Variants in PDCD10 observed in about 807,000 individuals in gnomAD.
The protein encoded by PDCD10 is programmed cell death 10.
Under a neutral mutation model 29.2 loss-of-function variants are expected in PDCD10, and 4 were observed. That is an observed-to-expected ratio of 0.14 (90% CI 0.07 to 0.31). The LOEUF is 0.31. Ranked by LOEUF, PDCD10 falls within the 10% of genes least tolerant of loss-of-function variation. PDCD10 has a pLI of 1.00. For missense variants in PDCD10, 183 were observed against 257.9 expected (o/e 0.71, Z 1.99); for synonymous variants, 70 against 82.2 (o/e 0.85, Z 0.80).
At position 167,684,110 on chromosome 3, in the gene PDCD10, G is replaced by C; in HGVS notation, c.*198C>G. On this transcript the variant is annotated 3_prime_UTR_variant, in exon 9 of 9. Coordinates refer to ENST00000392750, the MANE Select transcript of PDCD10 (RefSeq NM_007217.4). ...AAAGAATGATAATAGCAAAAGTGATGCAAAATCTTCAGTGTGAGATTATGA... is the reference window on the plus strand; with the variant it reads ...AAAGAATGATAATAGCAAAAGTGATCCAAAATCTTCAGTGTGAGATTATGA... 2.0e-6 allele frequency: 1 copy of C among 490,474 alleles called. No individual in the cohort carries two copies. The highest frequency in any genetic ancestry group is 3.7e-6 in the Non-Finnish European group (1 of 270,022). The allele number at this position is 490,474 out of a possible 1,614,324, so 30.4% of individuals were successfully genotyped here.
At chr3:167,706,437 C>T (rs1219421679) in intron 3 of PDCD10, among the ~76,000 whole-genome samples, 3 of 152,200 alleles carry the variant, frequency 2.0e-5, no homozygotes, top group Admixed American at 6.5e-5. Flanking sequence ...CAGGGATAGC[C>T]TACCACACAC....
intron 2 of PDCD10, among the ~76,000 whole-genome samples, chr3:167,727,922 C>G (rs1018550299): frequency 6.6e-5 from 10 of 152,200 alleles, no homozygotes; most frequent in African/African-American, 2.2e-4. Flanking sequence ...TAGCCTCTGC[C>G]TTATTTAACA....
intron 4 of PDCD10, among the ~76,000 whole-genome samples, chr3:167,702,174 T>C (rs947410905): frequency 2.6e-5 from 4 of 152,220 alleles, no homozygotes; most frequent in African/African-American, 9.6e-5. Flanking sequence ...AACATATTTC[T>C]GTAAAGTTAC....
intron 7 of PDCD10, 142 bp downstream of exon 7, chr3:167,687,473 G>T: frequency 1.4e-6 from 1 of 730,958 alleles, no homozygotes; most frequent in Non-Finnish European, 2.4e-6. Flanking sequence ...AAATAAAAAG[G>T]CATATTTAAA....
chr3:167,721,101 C>T (rs999623887), intron 2 of PDCD10, among the ~76,000 whole-genome samples: 5 of 152,002 alleles, frequency 3.3e-5, no homozygotes, highest in Non-Finnish European at 7.4e-5. Flanking sequence ...AAAAAATGAT[C>T]CTAATCATGA....
chr3:167,702,186 C>T (rs1466667843), intron 4 of PDCD10, among the ~76,000 whole-genome samples: 1 of 152,118 alleles, frequency 6.6e-6, no homozygotes, highest in Non-Finnish European at 1.5e-5. Flanking sequence ...TAAAGTTACA[C>T]TAAGTGTGCC....
At chr3:167,730,291 A>T (rs777649013) in intron 2 of PDCD10, among the ~76,000 whole-genome samples, 3 of 152,164 alleles carry the variant, frequency 2.0e-5, no homozygotes, top group Admixed American at 6.5e-5. Context: ...TAACATAGAT[A>T]ACAATGACAT....
At chr3:167,729,350 A>T (rs1392694347) in intron 2 of PDCD10, among the ~76,000 whole-genome samples, 1 of 152,134 alleles carries the variant, frequency 6.6e-6, no homozygotes, top group Non-Finnish European at 1.5e-5. Flanking sequence ...TGCCACACTG[A>T]CCTTAGCATT....
chr3:167,689,841 T>C (rs1720023609), intron 6 of PDCD10, among the ~76,000 whole-genome samples: 2 of 152,108 alleles, frequency 1.3e-5, no homozygotes, highest in African/African-American at 4.8e-5. Context: ...TACCAAATTG[T>C]AGAAAAAATG....
At chr3:167,708,049 G>A (rs1381357843) in intron 3 of PDCD10, among the ~76,000 whole-genome samples, 1 of 152,158 alleles carries the variant, frequency 6.6e-6, no homozygotes, top group Admixed American at 6.5e-5. Context: ...CTACTGTTTT[G>A]TGAACTCCTT....
chr3:167,722,244 G>GA (rs544805234), intron 2 of PDCD10, among the ~76,000 whole-genome samples: 5 of 151,670 alleles, frequency 3.3e-5, no homozygotes, highest in Non-Finnish European at 5.9e-5. Context: ...TTGTGTGACA[G>GA]AAAAAAAATT....
chr3:167,707,554 GCCTGTAGTC>G (rs1722101984), intron 3 of PDCD10, among the ~76,000 whole-genome samples: 1 of 152,052 alleles, frequency 6.6e-6, no homozygotes, highest in Non-Finnish European at 1.5e-5. Context: ...GGTGGCAGGT[GCCTGTAGTC>G]CCAGCTACTC....
chr3:167,686,257 A>G (rs1044900994), intron 8 of PDCD10, among the ~76,000 whole-genome samples: 3 of 152,178 alleles, frequency 2.0e-5, no homozygotes, highest in Non-Finnish European at 2.9e-5. Flanking sequence ...AAATATATAA[A>G]ATCTCTTGGT....
intron 8 of PDCD10, among the ~76,000 whole-genome samples, chr3:167,686,943 G>T (rs1015154129): frequency 6.6e-6 from 1 of 152,168 alleles, no homozygotes; most frequent in Non-Finnish European, 1.5e-5. Context: ...TCTATGGCTT[G>T]TTTCTGTACT....
At chr3:167,703,182 T>C (rs987488887) in intron 4 of PDCD10, among the ~76,000 whole-genome samples, 5 of 152,084 alleles carry the variant, frequency 3.3e-5, no homozygotes, top group African/African-American at 9.7e-5. Flanking sequence ...CCTTCTTCTT[T>C]TGGCCACAAA....
At chr3:167,717,386 A>G (rs1232524752) in intron 3 of PDCD10, among the ~76,000 whole-genome samples, 1 of 152,062 alleles carries the variant, frequency 6.6e-6, no homozygotes, top group African/African-American at 2.4e-5. Context: ...GACAAGATTT[A>G]GTGAATCATT....
At chr3:167,718,409 G>A (rs1428982879) in intron 3 of PDCD10, among the ~76,000 whole-genome samples, 4 of 151,994 alleles carry the variant, frequency 2.6e-5, no homozygotes, top group African/African-American at 9.7e-5. Context: ...AAAAAATGGT[G>A]AAATTAATTA....
At chr3:167,690,195 C>T (rs1055646962) in intron 6 of PDCD10, among the ~76,000 whole-genome samples, 1 of 152,136 alleles carries the variant, frequency 6.6e-6, no homozygotes, top group Non-Finnish European at 1.5e-5. Flanking sequence ...CGCAGCTTTG[C>T]GAAACATTAC....
At position 167,685,849 on chromosome 3, in the gene PDCD10, T is replaced by C. The variant is rs76654376; in HGVS notation, c.557+1385A>G. 7.7e-4 allele frequency among the ~76,000 whole-genome samples: 117 copies of C among 152,310 alleles called. 3 individuals are homozygous for C. The East Asian group carries it at 0.022, about 29-fold the overall frequency. ...TATTAAACTAAGTCATCAAGGAGCA[T>C]TTCCCTTAGACAAACCTGTGTATGG... On this transcript the variant is annotated intron_variant, in intron 8 of 8. Transcript: ENST00000392750.
Sources: allele counts gnomAD v4.1 joint callset (sites outside exome capture counted in the v4.1 genomes callset), GRCh38; gene constraint gnomAD v4.1.1; transcripts MANE v1.5; gene names NCBI Gene and HGNC (gene_info 2026-07-23, HGNC 2026-07-21).